Variants in PTGS1 observed in about 807,000 individuals in gnomAD.
PTGS1 encodes prostaglandin-endoperoxide synthase 1.
PTGS1 carries 40 observed loss-of-function variants against 63.0 expected under a neutral mutation model. The ratio of observed to expected loss-of-function variants is 0.63; its 90% CI spans 0.49 to 0.83. PTGS1 has a LOEUF of 0.83. Ranked by LOEUF, PTGS1 falls within the 40% of genes least tolerant of loss-of-function variation. PTGS1 has a pLI of 0.00. For missense variants in PTGS1, 709 were observed against 786.5 expected (o/e 0.90, Z 1.18); for synonymous variants, 298 against 301.9 (o/e 0.99, Z 0.13).
chr9:122,379,422 A>T (rs965671778), intron 5 of PTGS1, among the ~76,000 whole-genome samples: 27 of 152,092 alleles, frequency 1.8e-4, no homozygotes, highest in Non-Finnish European at 3.4e-4. Context: ...AAAACCTGGG[A>T]TATTATTCAT....
chr9:122,380,894 A>G (rs974308760), intron 5 of PTGS1, among the ~76,000 whole-genome samples: 10 of 152,252 alleles, frequency 6.6e-5, no homozygotes, highest in African/African-American at 2.4e-4. Flanking sequence ...CAGCTAGCAA[A>G]TAGCATAGTC....
At chr9:122,384,088 C>T (rs1837712659) in intron 8 of PTGS1, among the ~76,000 whole-genome samples, 1 of 152,126 alleles carries the variant, frequency 6.6e-6, no homozygotes, top group South Asian at 2.1e-4. Flanking sequence ...CTCGGTTTCC[C>T]CTGTGTGCTG....
chr9:122,380,031 A>G (rs1837415893), intron 5 of PTGS1, among the ~76,000 whole-genome samples: 1 of 152,214 alleles, frequency 6.6e-6, no homozygotes, highest in African/African-American at 2.4e-5. Flanking sequence ...TCTAAGGATG[A>G]CTTGTCTTTA....
rs1257402638 is a variant in PTGS1, at chr9:122,393,235, C to G, written c.*691C>G. The G allele has an allele frequency of 6.6e-6, 1 of 152,258 alleles. No homozygotes were observed. The highest frequency in any genetic ancestry group is 2.4e-5 in the African/African-American group (1 of 41,450). 9.4% of individuals were successfully genotyped at this position (152,258 alleles called of 1,614,324 possible). A position where few individuals can be genotyped will look rare whatever the true frequency, so the allele number is the denominator to read the frequency against. On this transcript the variant is annotated 3_prime_UTR_variant, in exon 11 of 11. Coordinates refer to ENST00000362012, the MANE Select transcript of PTGS1 (RefSeq NM_000962.4). ...TGGTTGGAAGCTACCAGAGCTCTATCCCCATCCAGGTCTTGACTCATGGCA... is the reference window on the plus strand; with the variant it reads ...TGGTTGGAAGCTACCAGAGCTCTATGCCCATCCAGGTCTTGACTCATGGCA...
At chr9:122,374,413 G>A (rs987347106) in intron 2 of PTGS1, among the ~76,000 whole-genome samples, 1 of 151,988 alleles carries the variant, frequency 6.6e-6, no homozygotes, top group African/African-American at 2.4e-5. Context: ...GAGGTGGGAG[G>A]GACTCACCCA....
At position 122,390,200 on chromosome 9, in the gene PTGS1, C is replaced by T. The variant is rs200696735; in HGVS notation, c.1299C>T (p.Ile433=). The change falls in exon 10 of 11, where the codon ATC becomes ATT. Residue 433 remains isoleucine (I), a splice_region_variant and synonymous_variant. Coordinates refer to ENST00000362012, the MANE Select transcript of PTGS1 (RefSeq NM_000962.4). ...CTGCTGTGCTTCTCTCTCGGCAGAT[C>T]GGTGGGGGCAGGAACATGGACCACC... ...DAFSRQIAGR[I]GGGRNMDHHI... 8.7e-6 allele frequency: 14 copies of T among 1,613,258 alleles called. No homozygotes were observed. The African/African-American group carries it at 1.5e-4, about 17-fold the overall frequency.
rs1369999418 is a variant in PTGS1 at position 122,394,047 on chromosome 9, G to A, written c.*1503G>A. 1 of 152,270 alleles carries A rather than the reference G, an allele frequency of 6.6e-6. No homozygotes were observed. Among genetic ancestry groups the A allele is most frequent in the Non-Finnish European group, 1.5e-5 (1 of 68,098 alleles). 9.4% of individuals were successfully genotyped at this position (152,270 alleles called of 1,614,324 possible). On this transcript the variant is annotated 3_prime_UTR_variant, in exon 11 of 11. Transcript: ENST00000362012. ...ACAAACAGACCATAAATAAGGAAAC[G>A]ATGAAATAAGATATATACAAGGTGA...
At chr9:122,391,356 T>C (rs1228359861) in intron 10 of PTGS1, among the ~76,000 whole-genome samples, 1 of 84,160 alleles carries the variant, frequency 1.2e-5, no homozygotes, top group Admixed American at 1.3e-4. Context: ...ACTATATATA[T>C]ACATATATAT....
chr9:122,391,096 G>C (rs1024424445), intron 10 of PTGS1, among the ~76,000 whole-genome samples: 12 of 151,232 alleles, frequency 7.9e-5, no homozygotes, highest in African/African-American at 2.7e-4. Flanking sequence ...ACCCACTTAC[G>C]GGCCAGCTGC....
intron 5 of PTGS1, 114 bp downstream of exon 5, chr9:122,379,032 A>G (rs1837358927): frequency 3.6e-6 from 5 of 1,386,482 alleles, no homozygotes; most frequent in Non-Finnish European, 3.9e-6. Context: ...TGGCTAGACC[A>G]AGGCAAGACA....
intron 2 of PTGS1, among the ~76,000 whole-genome samples, chr9:122,372,212 G>T (rs541797411): frequency 6.6e-6 from 1 of 152,212 alleles, no homozygotes; most frequent in Non-Finnish European, 1.5e-5. Flanking sequence ...GAGGGAGTCC[G>T]CACTTTCTGC....
chr9:122,374,020 C>T (rs1310259822), intron 2 of PTGS1, among the ~76,000 whole-genome samples: 1 of 152,212 alleles, frequency 6.6e-6, no homozygotes, highest in Admixed American at 6.5e-5. Context: ...TAGTCACGCT[C>T]AGTCCTGGAC....
Position 122,383,648 on chromosome 9 carries a change from C to T in PTGS1, c.902C>T (p.Ala301Val). ...FGLLPGLMLYATLWLREHNRV... is the reference protein window; with the variant it reads ...FGLLPGLMLYVTLWLREHNRV... ...CTGCTTCCTGGGCTCATGCTGTATG[C>T]CACGCTCTGGCTACGTGAGCACAAC... The change falls in exon 8 of 11, where the codon GCC becomes GTC. Residue 301 changes from alanine to valine, a missense_variant. By Grantham distance (64) the Ala-to-Val change is moderately conservative. Coordinates refer to ENST00000362012, the MANE Select transcript of PTGS1 (RefSeq NM_000962.4). 6.2e-7 allele frequency: 1 copy of T among 1,614,116 alleles called. No homozygotes were observed. Among genetic ancestry groups the T allele is most frequent in the Non-Finnish European group, 8.5e-7 (1 of 1,180,036 alleles).
chr9:122,371,771 A>G (rs1295049437), intron 2 of PTGS1: 2 of 1,533,616 alleles, frequency 1.3e-6, no homozygotes, highest in Admixed American at 3.9e-5. Context: ...TACATTTAGG[A>G]GCCGGGATGC....
chr9:122,383,869 T>G (rs372356725), intron 8 of PTGS1, 114 bp downstream of exon 8: 9 of 1,431,368 alleles, frequency 6.3e-6, no homozygotes, highest in African/African-American at 4.2e-5. Flanking sequence ...ACCCTTCTGC[T>G]TAGTGGCTAG....
intron 2 of PTGS1, chr9:122,371,706 C>T: frequency 6.7e-7 from 1 of 1,496,042 alleles, no homozygotes; most frequent in Non-Finnish European, 8.9e-7. Flanking sequence ...ATTCCCATTG[C>T]CAGTGGAGAA....
intron 8 of PTGS1, 149 bp from the exon 9 acceptor site, chr9:122,386,297 T>A: frequency 1.1e-6 from 1 of 908,524 alleles, no homozygotes; most frequent in South Asian, 1.6e-5. Context: ...ACCAAGACCT[T>A]GTCTGTAAAA....
chr9:122,391,925 G>A (rs1333980986), intron 10 of PTGS1, among the ~76,000 whole-genome samples: 4 of 152,154 alleles, frequency 2.6e-5, no homozygotes, highest in Non-Finnish European at 4.4e-5. Flanking sequence ...TTTGGTGGCA[G>A]ATCTAGGCCC....
At chr9:122,376,497 G>C (rs1445335404) in intron 2 of PTGS1, among the ~76,000 whole-genome samples, 1 of 152,028 alleles carries the variant, frequency 6.6e-6, no homozygotes, top group Admixed American at 6.6e-5. Flanking sequence ...ACCAGGGCAG[G>C]GGATAGGGGG....
Sources: allele counts gnomAD v4.1 joint callset (sites outside exome capture counted in the v4.1 genomes callset), GRCh38; gene constraint gnomAD v4.1.1; transcripts MANE v1.5; gene names NCBI Gene and HGNC (gene_info 2026-07-23, HGNC 2026-07-21).